F8: variants seen among roughly 807,000 people sequenced by gnomAD.
F8 encodes the protein coagulation factor VIII.
In F8, 12 loss-of-function variants were observed where a neutral mutation model predicts 140.6. The observed-to-expected ratio is 0.09, with a 90% CI of 0.05 to 0.14. The LOEUF is 0.14. Among genes scored for constraint, F8 ranks in the 10% least tolerant of loss-of-function variants. F8 has a pLI of 1.00. For synonymous variants in F8, 585 were observed against 614.6 expected, an observed-to-expected ratio of 0.95 and a Z score of 0.71; for missense variants, 1,354 against 1,720.7, an observed-to-expected ratio of 0.79 and a Z score of 3.77.
chrX:154,840,936 C>A (rs189865629), intron 25 of F8, among the ~76,000 whole-genome samples: 23 of 112,055 alleles, frequency 2.1e-4, no homozygotes, highest in Non-Finnish European at 4.1e-4. Context: ...AATAAAAACT[C>A]AAGAACATTA....
intron 25 of F8, among the ~76,000 whole-genome samples, chrX:154,852,194 C>T (rs1557272202): frequency 9.0e-6 from 1 of 111,140 alleles, no homozygotes; most frequent in Admixed American, 9.6e-5. Context: ...CCCAGCTTCC[C>T]TAGTAGCTGG....
At chrX:154,937,845 C>T (rs1267966373) in intron 13 of F8, among the ~76,000 whole-genome samples, 3 of 111,383 alleles carry the variant, frequency 2.7e-5, no homozygotes, top group Admixed American at 9.6e-5. Flanking sequence ...AGGTATGCTC[C>T]CCCAAATTGA....
rs895381736 is a variant in F8, at chrX:154,963,904, G to A, written c.1443+2066C>T. Among the ~76,000 whole-genome samples, 51 of 109,493 alleles carry A rather than the reference G, an allele frequency of 4.7e-4. 1 individual carries two copies. The highest frequency in any genetic ancestry group is 1.7e-3 in the African/African-American group (50 of 30,021). ...TGCCCAGGGTGGAGTGCAGTGGTGC[G>A]ATCTCAGCTCACTGCAACCTCCGCC... On this transcript the variant is annotated intron_variant, in intron 9 of 25. Transcript: ENST00000360256.
intron 1 of F8, among the ~76,000 whole-genome samples, chrX:155,009,131 G>A (rs994584281): frequency 1.8e-4 from 19 of 105,135 alleles, no homozygotes; most frequent in East Asian, 3.0e-4. Flanking sequence ...CGCCCAGGCC[G>A]GACTGCGGAC....
intron 14 of F8, among the ~76,000 whole-genome samples, chrX:154,921,929 A>C (rs2073133585): frequency 9.0e-6 from 1 of 111,202 alleles, no homozygotes; most frequent in Non-Finnish European, 1.9e-5. Flanking sequence ...ACCTAATGTA[A>C]ATGATGAGTT....
intron 12 of F8, 82 bp from the exon 13 acceptor site, chrX:154,947,989 AATT>A: frequency 1.3e-6 from 1 of 753,573 alleles, no homozygotes; most frequent in South Asian, 2.2e-5. Context: ...TACAATTAGG[AATT>A]ATTATATGTT....
intron 1 of F8, among the ~76,000 whole-genome samples, chrX:155,008,599 C>G (rs1052387730): frequency 3.6e-5 from 4 of 111,718 alleles, no homozygotes; most frequent in Non-Finnish European, 5.7e-5. Flanking sequence ...GGAAAGAACT[C>G]CCCAGTCCCA....
At chrX:154,921,867 C>T (rs781939133) in intron 14 of F8, among the ~76,000 whole-genome samples, 53 of 81,550 alleles carry the variant, frequency 6.5e-4, no homozygotes, top group East Asian at 4.0e-3. Context: ...CATCACACAC[C>T]GGGGCCTGTT....
chrX:154,915,741 A>C (rs782017547), intron 14 of F8, among the ~76,000 whole-genome samples: 71 of 112,176 alleles, frequency 6.3e-4, no homozygotes, highest in African/African-American at 2.1e-3. Flanking sequence ...GTTTTTCTAA[A>C]TATAACATTA....
At chrX:154,846,073 G>A (rs1250530804) in intron 25 of F8, among the ~76,000 whole-genome samples, 3 of 112,287 alleles carry the variant, frequency 2.7e-5, no homozygotes, top group Non-Finnish European at 5.6e-5. Context: ...TCAGGAGCAG[G>A]TTGTTCAGTT....
chrX:154,858,009 C>T (rs782499941), intron 25 of F8, among the ~76,000 whole-genome samples: 20 of 111,662 alleles, frequency 1.8e-4, no homozygotes, highest in South Asian at 7.6e-4. Flanking sequence ...CATGGTGATG[C>T]GTGCCTGTAG....
chrX:154,862,827 A>T (rs1338129893), intron 23 of F8, among the ~76,000 whole-genome samples: 1 of 112,201 alleles, frequency 8.9e-6, no homozygotes, highest in Non-Finnish European at 1.9e-5. Context: ...TGCTATTGTG[A>T]ATAGTGCTGA....
intron 20 of F8, 33 bp from the exon 21 acceptor site, chrX:154,899,984 C>T (rs1329298590): frequency 8.8e-7 from 1 of 1,140,670 alleles, no homozygotes; most frequent in East Asian, 3.0e-5. Flanking sequence ...AGATTAAATT[C>T]AGCTGGGTTA....
chrX:154,893,444 T>C (rs1362743084), intron 22 of F8, among the ~76,000 whole-genome samples: 2 of 112,623 alleles, frequency 1.8e-5, no homozygotes, highest in Non-Finnish European at 3.8e-5. Flanking sequence ...GAGAATTGGA[T>C]AGATTATTGT....
At chrX:154,909,477 A>C (rs1291048941) in intron 14 of F8, 1 of 116,754 alleles carries the variant, frequency 8.6e-6, no homozygotes, top group African/African-American at 3.2e-5. Flanking sequence ...GGTTGTAGCC[A>C]GTATTCTTAA....
chrX:154,984,129 A>G (rs1180763838), intron 6 of F8, among the ~76,000 whole-genome samples: 1 of 111,244 alleles, frequency 9.0e-6, no homozygotes, highest in African/African-American at 3.3e-5. Context: ...GAACTGTCTC[A>G]TCCTCACATG....
intron 1 of F8, among the ~76,000 whole-genome samples, chrX:155,011,605 G>A (rs2073706486): frequency 8.9e-6 from 1 of 111,928 alleles, no homozygotes; most frequent in Non-Finnish European, 1.9e-5. Context: ...GTACATGAAT[G>A]TTCTATAGCA....
intron 10 of F8, 122 bp downstream of exon 10, chrX:154,960,953 T>C: frequency 2.0e-6 from 1 of 510,427 alleles, no homozygotes; most frequent in Non-Finnish European, 3.5e-6. Flanking sequence ...AACTTTAGAC[T>C]GGAGCTTGAG....
At position 154,923,800 on chromosome X, in the gene F8, T is replaced by A. The variant is rs782451430; in HGVS notation, c.5219+4771A>T. Among the ~76,000 whole-genome samples, 61 of 110,934 alleles carry A rather than the reference T, an allele frequency of 5.5e-4. 1 individual carries two copies. Among genetic ancestry groups the A allele is most frequent in the Non-Finnish European group, 1.0e-3 (54 of 52,881 alleles). ...GGAGGGGACAGGGGGAATGATATGG[T>A]TTGGCTGTGTCCCTACCAAAATCTC... On this transcript the variant is annotated intron_variant, in intron 14 of 25. Coordinates refer to ENST00000360256, the MANE Select transcript of F8 (RefSeq NM_000132.4).
Sources: gnomAD v4.1 joint callset for allele counts (sites outside exome capture counted in the v4.1 genomes callset) on GRCh38, gnomAD v4.1.1 for gene constraint, MANE v1.5 for transcripts, NCBI Gene and HGNC (gene_info 2026-07-23, HGNC 2026-07-21) for gene names.